The following RABGAP1L variants were observed in gnomAD, a reference collection of about 807,000 sequenced individuals.
The protein encoded by RABGAP1L is RAB GTPase activating protein 1 like.
RABGAP1L carries 63 observed loss-of-function variants against 137.7 expected under a neutral mutation model. The ratio of observed to expected loss-of-function variants is 0.46; its 90% CI spans 0.37 to 0.56. RABGAP1L has a LOEUF of 0.56. Ranked by LOEUF, RABGAP1L falls within the 20% of genes least tolerant of loss-of-function variation. The pLI, the probability that RABGAP1L is intolerant of heterozygous loss-of-function variation, is 0.00. For missense variants in RABGAP1L, 1,095 were observed against 1,244.0 expected, an observed-to-expected ratio of 0.88 and a Z score of 1.80; for synonymous variants, 431 against 433.7, an observed-to-expected ratio of 0.99 and a Z score of 0.08.
chr1:174,624,970 C>G (rs1672834942), intron 13 of RABGAP1L, among the ~76,000 whole-genome samples: 1 of 150,462 alleles, frequency 6.6e-6, no homozygotes, highest in Non-Finnish European at 1.5e-5. Flanking sequence ...CCCCTGAGTT[C>G]AAGCGATTCT....
At chr1:174,795,100 T>C (rs1263817525) in intron 18 of RABGAP1L, among the ~76,000 whole-genome samples, 1 of 152,178 alleles carries the variant, frequency 6.6e-6, no homozygotes, top group Non-Finnish European at 1.5e-5. Context: ...ATGACACTTC[T>C]AGTCATTAGA....
chr1:174,305,226 T>C (rs1678094505), intron 11 of RABGAP1L, 99 bp downstream of exon 11: 1 of 1,250,178 alleles, frequency 8.0e-7, no homozygotes, highest in Non-Finnish European at 1.0e-6. Context: ...GTGGTGGTTA[T>C]TCCTAACCTC....
At chr1:174,442,250 A>AATATT (rs1654241708) in intron 13 of RABGAP1L, among the ~76,000 whole-genome samples, 1 of 87,294 alleles carries the variant, frequency 1.1e-5, no homozygotes, top group Non-Finnish European at 2.0e-5. Context: ...TGTACTAGAG[A>AATATT]ATATCTGATT....
intron 19 of RABGAP1L, among the ~76,000 whole-genome samples, chr1:174,885,097 C>T (rs934190909): frequency 7.2e-5 from 11 of 152,294 alleles, no homozygotes; most frequent in African/African-American, 2.4e-4. Context: ...TTGGAGTCTG[C>T]AAGAGAAAGT....
At chr1:174,551,019 T>TATATATATATATATATATATATATAC (rs1553330337) in intron 13 of RABGAP1L, among the ~76,000 whole-genome samples, 4 of 116,028 alleles carry the variant, frequency 3.4e-5, no homozygotes, top group South Asian at 2.5e-4. Flanking sequence ...TATATATATA[T>TATATATATATATATATATATATATAC]ATACATACAC....
intron 11 of RABGAP1L, among the ~76,000 whole-genome samples, chr1:174,327,341 T>C (rs1242420765): frequency 3.9e-5 from 6 of 151,988 alleles, no homozygotes; most frequent in Admixed American, 2.6e-4. Context: ...TAAAAAGATG[T>C]ATATAAAAAG....
chr1:174,811,541 C>T (rs1689874410), intron 18 of RABGAP1L, among the ~76,000 whole-genome samples: 1 of 152,136 alleles, frequency 6.6e-6, no homozygotes, highest in South Asian at 2.1e-4. Flanking sequence ...AGAGCTGTAA[C>T]TTGGTAAGCT....
At chr1:174,952,512 T>TA (rs544382460) in intron 19 of RABGAP1L, among the ~76,000 whole-genome samples, 50 of 146,838 alleles carry the variant, frequency 3.4e-4, no homozygotes, top group Middle Eastern at 6.9e-3. Context: ...CCCTGTCTCT[T>TA]AAAAAAAAAA....
At chr1:174,416,761 T>C (rs1041048878) in intron 13 of RABGAP1L, among the ~76,000 whole-genome samples, 1 of 152,136 alleles carries the variant, frequency 6.6e-6, no homozygotes, top group African/African-American at 2.4e-5. Context: ...ACTAAAGTCT[T>C]AGAGAATTAC....
chr1:174,547,877 A>C, intron 13 of RABGAP1L: 7 of 1,544,406 alleles, frequency 4.5e-6, no homozygotes, highest in Non-Finnish European at 6.1e-6. Context: ...CAGACTATTC[A>C]CCTAGTTAAA....
At chr1:174,893,048 G>A in intron 19 of RABGAP1L, 2 of 286,554 alleles carry the variant, frequency 7.0e-6, no homozygotes, top group Admixed American at 3.9e-5. Flanking sequence ...GCCCAGCCAG[G>A]CTACCTCATT....
intron 13 of RABGAP1L, among the ~76,000 whole-genome samples, chr1:174,550,057 C>T (rs369218156): frequency 6.6e-6 from 1 of 152,070 alleles, no homozygotes; most frequent in East Asian, 1.9e-4. Context: ...ATAATAATAA[C>T]ATTTTAAAAT....
At chr1:174,489,093 G>T (rs987381628) in intron 13 of RABGAP1L, among the ~76,000 whole-genome samples, 2 of 151,910 alleles carry the variant, frequency 1.3e-5, no homozygotes, top group Non-Finnish European at 2.9e-5. Context: ...CAAAGGACAT[G>T]ATTCCATTCA....
intron 1 of RABGAP1L, among the ~76,000 whole-genome samples, chr1:174,203,494 G>A (rs1312088766): frequency 6.6e-6 from 1 of 152,190 alleles, no homozygotes; most frequent in African/African-American, 2.4e-5. Flanking sequence ...GTACCATGCT[G>A]TTTTGGTTAC....
At chr1:174,167,802 C>T (rs542861200) in intron 1 of RABGAP1L, among the ~76,000 whole-genome samples, 2 of 152,138 alleles carry the variant, frequency 1.3e-5, no homozygotes, top group African/African-American at 4.8e-5. Flanking sequence ...TTAAGAGACA[C>T]ATATCACTAG....
chr1:174,434,443 A>T (rs1277243360), intron 13 of RABGAP1L, among the ~76,000 whole-genome samples: 1 of 152,234 alleles, frequency 6.6e-6, no homozygotes, highest in Non-Finnish European at 1.5e-5. Flanking sequence ...GAAGATTTTT[A>T]TGCAAGTCTT....
intron 7 of RABGAP1L, among the ~76,000 whole-genome samples, chr1:174,254,874 A>G (rs1303103873): frequency 6.6e-6 from 1 of 152,134 alleles, no homozygotes; most frequent in African/African-American, 2.4e-5. Context: ...TGCTGGGTCA[A>G]ATGGTATTTC....
chr1:174,602,595 T>C (rs1670496245), intron 13 of RABGAP1L, among the ~76,000 whole-genome samples: 1 of 152,200 alleles, frequency 6.6e-6, no homozygotes. Context: ...TTTTTGAGCC[T>C]ATTATTTAGA....
intron 18 of RABGAP1L, among the ~76,000 whole-genome samples, chr1:174,782,375 A>T (rs1262743285): frequency 6.6e-6 from 1 of 152,042 alleles, no homozygotes. Flanking sequence ...TTTGTCTGTT[A>T]TTGGTGTATA....
Sources: allele counts gnomAD v4.1 joint callset (sites outside exome capture counted in the v4.1 genomes callset), GRCh38; gene constraint gnomAD v4.1.1; transcripts MANE v1.5; gene names NCBI Gene and HGNC (gene_info 2026-07-23, HGNC 2026-07-21).